Variants in FRMD4B observed in about 807,000 individuals in gnomAD.
FRMD4B encodes FERM domain-containing protein 4B.
FRMD4B carries 74 observed loss-of-function variants against 141.5 expected under a neutral mutation model. The ratio of observed to expected loss-of-function variants is 0.52; its 90% CI spans 0.43 to 0.63. FRMD4B has a LOEUF of 0.63. Ranked by LOEUF, FRMD4B falls within the 30% of genes least tolerant of loss-of-function variation. The probability of loss-of-function intolerance (pLI) is 0.00; values close to 1 mark genes in which losing one functional copy is unlikely to be tolerated. For missense variants in FRMD4B, 1,366 were observed against 1,253.4 expected, an observed-to-expected ratio of 1.09 and a Z score of -1.36; for synonymous variants, 506 against 467.9, an observed-to-expected ratio of 1.08 and a Z score of -1.05.
At chr3:69,226,862 T>C (rs1245853014) in intron 7 of FRMD4B, among the ~76,000 whole-genome samples, 1 of 152,200 alleles carries the variant, frequency 6.6e-6, no homozygotes, top group Non-Finnish European at 1.5e-5. Context: ...AATAAGCTCA[T>C]GGTTGAGAGT....
intron 1 of FRMD4B, chr3:69,541,423 CGA>C (rs151247903): frequency 1.3e-4 from 19 of 150,598 alleles, no homozygotes; most frequent in Admixed American, 2.0e-4. Flanking sequence ...CAAAGGAGAG[CGA>C]GAGAGAGAGA....
At chr3:69,357,407 T>C (rs972758756) in intron 1 of FRMD4B, among the ~76,000 whole-genome samples, 1 of 152,340 alleles carries the variant, frequency 6.6e-6, no homozygotes, top group Non-Finnish European at 1.5e-5. Context: ...AAAATGAAAC[T>C]ATATCCTGGA....
At chr3:69,525,250 T>C (rs1296177476) in intron 1 of FRMD4B, among the ~76,000 whole-genome samples, 1 of 152,240 alleles carries the variant, frequency 6.6e-6, no homozygotes, top group East Asian at 1.9e-4. Context: ...GCTCACAGTC[T>C]TTTTTCAGAC....
At chr3:69,489,190 C>T (rs561205753) in intron 1 of FRMD4B, among the ~76,000 whole-genome samples, 95 of 151,230 alleles carry the variant, frequency 6.3e-4, no homozygotes, top group African/African-American at 2.2e-3. Context: ...TATCTTAATA[C>T]GATGACAAAT....
intron 1 of FRMD4B, among the ~76,000 whole-genome samples, chr3:69,476,283 C>A (rs976574007): frequency 1.1e-4 from 16 of 151,960 alleles, no homozygotes; most frequent in Non-Finnish European, 1.5e-5. Context: ...TTGCCCATGC[C>A]TATGTCCTTA....
At chr3:69,406,066 T>C (rs962966002) in intron 2 of FRMD4B, among the ~76,000 whole-genome samples, 1 of 152,200 alleles carries the variant, frequency 6.6e-6, no homozygotes, top group African/African-American at 2.4e-5. Context: ...TTAATTTTAC[T>C]GGGGTCCCAT....
chr3:69,536,387 T>G, intron 1 of FRMD4B: 1 of 711,634 alleles, frequency 1.4e-6, no homozygotes, highest in South Asian at 1.5e-5. Flanking sequence ...CTGCGGCACA[T>G]GCCAGTGGCC....
chr3:69,516,409 C>A (rs1377637637), intron 1 of FRMD4B, among the ~76,000 whole-genome samples: 1 of 152,028 alleles, frequency 6.6e-6, no homozygotes, highest in Non-Finnish European at 1.5e-5. Context: ...GAAAGAGGGT[C>A]AAAGTCAAAA....
chr3:69,343,498 T>G (rs568041941), intron 1 of FRMD4B, among the ~76,000 whole-genome samples: 4 of 152,118 alleles, frequency 2.6e-5, no homozygotes, highest in African/African-American at 4.8e-5. Flanking sequence ...GATATACCCC[T>G]GTCAATTTAA....
chr3:69,450,637 CCA>C (rs1173109354), intron 1 of FRMD4B, among the ~76,000 whole-genome samples: 4 of 152,130 alleles, frequency 2.6e-5, no homozygotes, highest in Non-Finnish European at 4.4e-5. Flanking sequence ...GCCTATAATC[CCA>C]GTTACTCGGG....
At chr3:69,236,902 T>G (rs1302112996) in intron 7 of FRMD4B, among the ~76,000 whole-genome samples, 1 of 152,192 alleles carries the variant, frequency 6.6e-6, no homozygotes, top group Non-Finnish European at 1.5e-5. Context: ...TGCAAGTTAG[T>G]TCCGAAAAAC....
At chr3:69,530,038 A>C (rs960345940) in intron 1 of FRMD4B, among the ~76,000 whole-genome samples, 3 of 152,224 alleles carry the variant, frequency 2.0e-5, no homozygotes, top group Non-Finnish European at 2.9e-5. Flanking sequence ...ATGGGCCAAC[A>C]TCTATACCCT....
At chr3:69,366,585 A>G (rs1703664458) in intron 1 of FRMD4B, among the ~76,000 whole-genome samples, 1 of 152,210 alleles carries the variant, frequency 6.6e-6, no homozygotes, top group Non-Finnish European at 1.5e-5. Context: ...TGGCAAATAT[A>G]TGCCCTGTTA....
At chr3:69,363,440 G>A (rs6786517) in intron 1 of FRMD4B, among the ~76,000 whole-genome samples, 53,478 of 147,300 alleles carry the variant, frequency 0.36, 11,584 homozygotes, top group African/African-American at 0.61. Context: ...CCCAGGCTGG[G>A]GTGCAGTGGC....
intron 1 of FRMD4B, among the ~76,000 whole-genome samples, chr3:69,325,489 A>C (rs1025813536): frequency 6.6e-6 from 1 of 152,238 alleles, no homozygotes; most frequent in African/African-American, 2.4e-5. Flanking sequence ...CAACTTATTA[A>C]GCCTGGAGCT....
intron 5 of FRMD4B, among the ~76,000 whole-genome samples, chr3:69,271,405 A>G (rs919944379): frequency 6.6e-6 from 1 of 152,184 alleles, no homozygotes; most frequent in Non-Finnish European, 1.5e-5. Flanking sequence ...ATCTATGAAA[A>G]GGAGGAACAA....
chr3:69,402,603 T>C (rs1481851836), intron 2 of FRMD4B, among the ~76,000 whole-genome samples: 1 of 152,202 alleles, frequency 6.6e-6, no homozygotes, highest in African/African-American at 2.4e-5. Flanking sequence ...ATCTCAGATA[T>C]AGGAGGTGCG....
intron 1 of FRMD4B, among the ~76,000 whole-genome samples, chr3:69,521,914 G>GT (rs1700860259): frequency 6.6e-6 from 1 of 152,126 alleles, no homozygotes; most frequent in South Asian, 2.1e-4. Context: ...TCAATCACCT[G>GT]TTTTTTATGG....
At chr3:69,362,211 G>T (rs980389073) in intron 1 of FRMD4B, among the ~76,000 whole-genome samples, 4 of 152,098 alleles carry the variant, frequency 2.6e-5, no homozygotes, top group African/African-American at 9.7e-5. Flanking sequence ...TAACTTTGAG[G>T]TCGGGACTAT....
Sources: allele counts gnomAD v4.1 joint callset (sites outside exome capture counted in the v4.1 genomes callset), GRCh38; gene constraint gnomAD v4.1.1; transcripts MANE v1.5; gene names NCBI Gene and HGNC (gene_info 2026-07-23, HGNC 2026-07-21).